COL4A3: variants seen among roughly 807,000 people sequenced by gnomAD.
The protein encoded by COL4A3 is collagen alpha-3(IV) chain.
In COL4A3, 135 loss-of-function variants were observed where a neutral mutation model predicts 217.4. That is an observed-to-expected ratio of 0.62 (90% CI 0.54 to 0.72). The LOEUF is 0.72. COL4A3 is among the 30% of genes least tolerant of loss of function. COL4A3 has a pLI of 0.00. For missense variants in COL4A3, 1,868 were observed against 2,119.9 expected, an observed-to-expected ratio of 0.88 and a Z score of 2.33; for synonymous variants, 690 against 736.3, an observed-to-expected ratio of 0.94 and a Z score of 1.02.
At chr2:227,237,333 T>C (rs1400926771) in intron 1 of COL4A3, among the ~76,000 whole-genome samples, 3 of 152,142 alleles carry the variant, frequency 2.0e-5, no homozygotes, top group Non-Finnish European at 4.4e-5. Flanking sequence ...TAATATCACC[T>C]ATGGAATATA....
intron 18 of COL4A3, among the ~76,000 whole-genome samples, chr2:227,258,851 C>T (rs1224269192): frequency 3.3e-5 from 5 of 152,132 alleles, no homozygotes; most frequent in Non-Finnish European, 7.3e-5. Context: ...TTGGTAGGTG[C>T]ACGCATATCA....
rs574687536 is a variant in COL4A3, at chr2:227,231,510, C to T, written c.88-6458C>T. On this transcript the variant is annotated intron_variant, in intron 1 of 51. Coordinates refer to ENST00000396578, the MANE Select transcript of COL4A3 (RefSeq NM_000091.5). Reference sequence around the variant, plus strand: ...CCTCAAGCATTTATCCCTTGAGTTACAAAGTATCCAATTACCTTTTTTTTT... The same window carrying T: ...CCTCAAGCATTTATCCCTTGAGTTATAAAGTATCCAATTACCTTTTTTTTT... Among the ~76,000 whole-genome samples, 12 of 152,104 alleles carry T rather than the reference C, an allele frequency of 7.9e-5. No homozygotes were observed. In the South Asian group the frequency reaches 1.9e-3, roughly 24 times the overall value.
chr2:227,262,045 G>A (rs886626034), intron 20 of COL4A3, among the ~76,000 whole-genome samples: 2 of 152,018 alleles, frequency 1.3e-5, no homozygotes, highest in African/African-American at 4.8e-5. Flanking sequence ...ATATGATGTT[G>A]TATATTATAC....
intron 1 of COL4A3, chr2:227,237,752 G>A (rs1278028919): frequency 3.7e-5 from 17 of 462,586 alleles, no homozygotes; most frequent in South Asian, 2.6e-4. Flanking sequence ...ATTCTTATCC[G>A]ACATTTCTCC....
chr2:227,304,852 A>G (rs2106273813), intron 46 of COL4A3, 133 bp from the exon 47 acceptor site: 1 of 751,082 alleles, frequency 1.3e-6, no homozygotes, highest in Non-Finnish European at 2.3e-6. Context: ...TAGCTTGCCC[A>G]GGACTGAGGA....
chr2:227,266,548 T>C, intron 22 of COL4A3, 39 bp downstream of exon 22: 1 of 1,475,638 alleles, frequency 6.8e-7, no homozygotes, highest in Non-Finnish European at 9.5e-7. Flanking sequence ...GATAAGCCTT[T>C]TTCATCGTCA....
At chr2:227,252,115 C>T (rs13030221) in intron 11 of COL4A3, among the ~76,000 whole-genome samples, 113,810 of 145,742 alleles carry the variant, frequency 0.78, 45,028 homozygotes, top group East Asian at 0.91. Context: ...GTTAGTTTAA[C>T]TATAAAAATG....
At chr2:227,238,249 ACT>A (rs1434347492) in intron 2 of COL4A3, 12 of 402,518 alleles carry the variant, frequency 3.0e-5, no homozygotes, top group Non-Finnish European at 5.0e-5. Context: ...TTAAATTACA[ACT>A]CTCTCGGTCT....
intron 1 of COL4A3, among the ~76,000 whole-genome samples, chr2:227,235,304 G>A (rs968484192): frequency 6.6e-6 from 1 of 152,180 alleles, no homozygotes; most frequent in African/African-American, 2.4e-5. Context: ...AACCCAGAAA[G>A]ACAAGATTAA....
rs201064766 is a variant in COL4A3, at chr2:227,284,290, C to T, written c.2826C>T (p.Pro942=). The stretch of plus-strand genomic sequence containing the variant: ...GGGAACAAGGAGATAAAGGAAATCC[C>T]GGGCCTTCAGAGATATCCCACGTAA... ...AKGEQGDKGN[P]GPSEISHVIG... is the part of the protein sequence containing the mutation. The change falls in exon 34 of 52, where the codon CCC becomes CCT. Residue 942 remains proline (P), a synonymous_variant. Coordinates refer to ENST00000396578, the MANE Select transcript of COL4A3 (RefSeq NM_000091.5). 703 of 1,614,044 alleles carry T rather than the reference C, an allele frequency of 4.4e-4. 3 individuals are homozygous for T. In the Middle Eastern group the frequency reaches 9.6e-3, roughly 22 times the overall value.
At chr2:227,284,064 G>A in intron 33 of COL4A3, 147 bp from the exon 34 acceptor site, 1 of 1,141,598 alleles carries the variant, frequency 8.8e-7, no homozygotes, top group Non-Finnish European at 1.3e-6. Context: ...GAGGCTGCCT[G>A]CCTGGGGAAA....
chr2:227,246,470 A>G (rs1443491106), intron 6 of COL4A3, among the ~76,000 whole-genome samples: 1 of 152,230 alleles, frequency 6.6e-6, no homozygotes, highest in African/African-American at 2.4e-5. Flanking sequence ...AGACTTTGCC[A>G]TTTATGCACA....
intron 1 of COL4A3, among the ~76,000 whole-genome samples, chr2:227,168,435 A>G (rs2065354066): frequency 1.3e-5 from 2 of 152,240 alleles, no homozygotes; most frequent in East Asian, 3.9e-4. Flanking sequence ...TATTTCCTTC[A>G]GTGTGAACTG....
rs76304838 is a variant in COL4A3, at chr2:227,261,062, T to C, written c.1115-20T>C. ...CATTTATATCTTTCTAAGCAATTAA[T>C]TAATGTTATATATTCCCAGGTCCCA... On this transcript the variant is annotated intron_variant, in intron 19 of 51. Transcript: ENST00000396578. 6.4e-3 allele frequency: 10,226 copies of C among 1,603,440 alleles called. 559 individuals are homozygous for C. The African/African-American group carries it at 0.12, about 19-fold the overall frequency.
chr2:227,246,396 G>A, intron 6 of COL4A3: 1 of 517,898 alleles, frequency 1.9e-6, no homozygotes, highest in Non-Finnish European at 3.5e-6. Flanking sequence ...CAGAATGGTG[G>A]CCATGAATGA....
chr2:227,277,301 A>G, intron 27 of COL4A3, 148 bp from the exon 28 acceptor site: 1 of 632,660 alleles, frequency 1.6e-6, no homozygotes, highest in Non-Finnish European at 2.8e-6. Context: ...CCTGGGCGAC[A>G]GACCGAAACT....
intron 28 of COL4A3, 74 bp from the exon 29 acceptor site, chr2:227,279,719 G>C: frequency 9.8e-7 from 1 of 1,025,272 alleles, no homozygotes; most frequent in Non-Finnish European, 1.5e-6. Context: ...CTGGTTGAGA[G>C]ATAAGAGAGT....
intron 20 of COL4A3, among the ~76,000 whole-genome samples, chr2:227,262,401 T>C (rs2070640566): frequency 6.6e-6 from 1 of 152,180 alleles, no homozygotes; most frequent in East Asian, 1.9e-4. Flanking sequence ...AATTTTAGGA[T>C]AGTTTTTTCT....
intron 1 of COL4A3, 175 bp from the exon 2 acceptor site, chr2:227,237,793 T>C (rs570744875): frequency 5.0e-6 from 3 of 597,072 alleles, no homozygotes. Context: ...TTTTCTACTT[T>C]ATTGCTATTC....
Sources: allele counts gnomAD v4.1 joint callset (sites outside exome capture counted in the v4.1 genomes callset), GRCh38; gene constraint gnomAD v4.1.1; transcripts MANE v1.5; gene names NCBI Gene and HGNC (gene_info 2026-07-23, HGNC 2026-07-21).